DAAM2: variants seen among roughly 807,000 people sequenced by gnomAD.
The protein encoded by DAAM2 is disheveled-associated activator of morphogenesis 2.
Under a neutral mutation model 120.7 loss-of-function variants are expected in DAAM2, and 39 were observed. The ratio of observed to expected loss-of-function variants is 0.32; its 90% CI spans 0.25 to 0.42. The LOEUF is 0.42. DAAM2 is among the 10% of genes least tolerant of loss of function. The pLI is 1.00. For synonymous variants in DAAM2, 488 were observed against 524.9 expected, an observed-to-expected ratio of 0.93 and a Z score of 0.96; for missense variants, 1,283 against 1,401.7, an observed-to-expected ratio of 0.92 and a Z score of 1.35.
At chr6:39,858,293 A>G (rs1010492884) in intron 2 of DAAM2, among the ~76,000 whole-genome samples, 26 of 152,194 alleles carry the variant, frequency 1.7e-4, no homozygotes, top group Non-Finnish European at 2.4e-4. Context: ...TCTGCTAAAG[A>G]AGGGTTCTGG....
At chr6:39,827,308 T>G (rs998749745) in intron 1 of DAAM2, among the ~76,000 whole-genome samples, 2 of 152,176 alleles carry the variant, frequency 1.3e-5, no homozygotes, top group Admixed American at 6.5e-5. Context: ...ACCTTCATTC[T>G]CAACGTCTTG....
At chr6:39,793,979 T>A (rs1205062987) in intron 1 of DAAM2, among the ~76,000 whole-genome samples, 1 of 152,112 alleles carries the variant, frequency 6.6e-6, no homozygotes, top group Non-Finnish European at 1.5e-5. Flanking sequence ...AGGGAGGAAA[T>A]CTGGATGTAA....
chr6:39,879,534 T>G, intron 14 of DAAM2, 57 bp downstream of exon 14: 1 of 1,610,154 alleles, frequency 6.2e-7, no homozygotes, highest in Non-Finnish European at 8.5e-7. Context: ...GCAGTCAGCC[T>G]CAGGGACCAC....
chr6:39,810,254 A>G (rs1202674338), intron 1 of DAAM2, among the ~76,000 whole-genome samples: 1 of 152,154 alleles, frequency 6.6e-6, no homozygotes, highest in African/African-American at 2.4e-5. Context: ...CATAGGAAGA[A>G]AGAAGAAGAG....
rs1491184229 is a variant in DAAM2, at chr6:39,869,779, TTA to T, written c.874-560_874-559del. 6.9e-3 allele frequency among the ~76,000 whole-genome samples: 794 copies of T among 114,418 alleles called. 8 individuals carry two copies. The highest frequency in any genetic ancestry group is 0.023 in the African/African-American group (727 of 31,264). The allele number at this position is 114,418 out of a possible 152,430, so 75.1% of individuals were successfully genotyped here. On this transcript the variant is annotated intron_variant, in intron 7 of 24. Coordinates refer to ENST00000274867, the MANE Select transcript of DAAM2 (RefSeq NM_001201427.2). ...TTTTTTTTTTTTTTTTTTTTTTTTT[TTA>T]AAAACAATTTATCTTTATGCCCTGG... is the stretch of plus-strand genomic sequence containing the variant.
chr6:39,895,227 C>CTTAT lies in DAAM2; in HGVS notation c.2342-1562_2342-1559dup, dbSNP rs59537611. 1.5e-3 allele frequency among the ~76,000 whole-genome samples: 208 copies of CTTAT among 137,744 alleles called. 1 individual carries two copies. The highest frequency in any genetic ancestry group is 4.6e-3 in the East Asian group (20 of 4,342). The allele number at this position is 137,744 out of a possible 152,430, so 90.4% of individuals were successfully genotyped here. A position where few individuals can be genotyped will look rare whatever the true frequency, so the allele number is the denominator to read the frequency against. On this transcript the variant is annotated intron_variant, in intron 19 of 24. Transcript: ENST00000274867. The stretch of plus-strand genomic sequence containing the variant: ...CTATTCATTTTTACAACTTTATTTA[C>CTTAT]TTATTTATTTATTTATTTATTTATT...
chr6:39,896,743 C>A, intron 19 of DAAM2, 69 bp from the exon 20 acceptor site: 1 of 1,382,412 alleles, frequency 7.2e-7, no homozygotes, highest in Non-Finnish European at 9.6e-7. Context: ...TGGCATCTTC[C>A]TGGGGTGCAA....
chr6:39,865,898 C>T (rs73734934), intron 5 of DAAM2, among the ~76,000 whole-genome samples: 3,157 of 152,238 alleles, frequency 0.021, 105 homozygotes, highest in African/African-American at 0.071. Flanking sequence ...ATTGTATGTG[C>T]ATGGAAACAC....
At chr6:39,875,213 C>A in intron 10 of DAAM2, 117 bp from the exon 11 acceptor site, 4 of 1,111,460 alleles carry the variant, frequency 3.6e-6, no homozygotes, top group Non-Finnish European at 3.8e-6. Context: ...AGACTGGGAG[C>A]TTACCATAGG....
chr6:39,826,926 C>T (rs1406079030), intron 1 of DAAM2, among the ~76,000 whole-genome samples: 2 of 152,166 alleles, frequency 1.3e-5, no homozygotes, highest in Admixed American at 6.5e-5. Context: ...AGTTGGGAAT[C>T]AGTTTCCTGG....
At chr6:39,893,322 C>G (rs1404795346) in intron 19 of DAAM2, among the ~76,000 whole-genome samples, 1 of 152,188 alleles carries the variant, frequency 6.6e-6, no homozygotes, top group Admixed American at 6.5e-5. Context: ...TGAGACCACT[C>G]TGGCTAACAC....
chr6:39,894,269 T>C (rs1309930103), intron 19 of DAAM2, among the ~76,000 whole-genome samples: 1 of 152,252 alleles, frequency 6.6e-6, no homozygotes, highest in Non-Finnish European at 1.5e-5. Flanking sequence ...ATTTTAGCAT[T>C]TTTAGGAGGA....
intron 1 of DAAM2, among the ~76,000 whole-genome samples, chr6:39,801,484 C>T (rs971592396): frequency 3.3e-5 from 5 of 152,208 alleles, no homozygotes; most frequent in African/African-American, 1.2e-4. Flanking sequence ...TCTACCTCAC[C>T]TGTGCTTCTG....
At chr6:39,834,607 T>A (rs576846589) in intron 1 of DAAM2, among the ~76,000 whole-genome samples, 1 of 152,142 alleles carries the variant, frequency 6.6e-6, no homozygotes, top group South Asian at 2.1e-4. Context: ...GCGAAGGGGG[T>A]ATCTGGGCAC....
At chr6:39,890,966 T>C (rs1386365764) in intron 17 of DAAM2, among the ~76,000 whole-genome samples, 2 of 152,054 alleles carry the variant, frequency 1.3e-5, no homozygotes, top group East Asian at 1.9e-4. Flanking sequence ...ATGTGCTACA[T>C]GCCTATATTC....
chr6:39,852,822 T>C (rs1763857416), intron 1 of DAAM2, among the ~76,000 whole-genome samples: 1 of 152,172 alleles, frequency 6.6e-6, no homozygotes, highest in Non-Finnish European at 1.5e-5. Context: ...CCCACCCTGC[T>C]ACTAGGAAGC....
At chr6:39,891,311 G>A in intron 17 of DAAM2, 30 bp from the exon 18 acceptor site, 1 of 1,531,626 alleles carries the variant, frequency 6.5e-7, no homozygotes, top group East Asian at 2.3e-5. Flanking sequence ...CTCACCAGTT[G>A]CTTGTGTGAC....
chr6:39,894,759 T>G (rs1765968497), intron 19 of DAAM2, among the ~76,000 whole-genome samples: 1 of 152,100 alleles, frequency 6.6e-6, no homozygotes, highest in African/African-American at 2.4e-5. Flanking sequence ...TAGCTGGCAC[T>G]ACAGGCACAT....
At chr6:39,837,954 G>A (rs556320033) in intron 1 of DAAM2, among the ~76,000 whole-genome samples, 1 of 152,292 alleles carries the variant, frequency 6.6e-6, no homozygotes, top group South Asian at 2.1e-4. Context: ...TCTCCCTGTG[G>A]GATGGACCTC....
Sources: allele counts gnomAD v4.1 joint callset (sites outside exome capture counted in the v4.1 genomes callset), GRCh38; gene constraint gnomAD v4.1.1; transcripts MANE v1.5; gene names NCBI Gene and HGNC (gene_info 2026-07-23, HGNC 2026-07-21).